Variants in ARHGEF10 observed in about 807,000 individuals in gnomAD.
The protein encoded by ARHGEF10 is Rho guanine nucleotide exchange factor (GEF) 10.
ARHGEF10 carries 140 observed loss-of-function variants against 147.4 expected under a neutral mutation model. The ratio of observed to expected loss-of-function variants is 0.95; its 90% confidence interval spans 0.83 to 1.09. ARHGEF10 has a LOEUF of 1.09. Ranked by LOEUF, ARHGEF10 falls within the 50% of genes least tolerant of loss-of-function variation. ARHGEF10 has a pLI of 0.00. For missense variants in ARHGEF10, 2,222 were observed against 1,752.7 expected, an observed-to-expected ratio of 1.27 and a Z score of -4.78; for synonymous variants, 902 against 695.8, an observed-to-expected ratio of 1.30 and a Z score of -4.67.
intron 2 of ARHGEF10, among the ~76,000 whole-genome samples, chr8:1,847,849 C>T (rs1309087653): frequency 1.3e-5 from 2 of 152,224 alleles, no homozygotes; most frequent in African/African-American, 4.8e-5. Flanking sequence ...CAAACATGCT[C>T]TTCCAAGCCC....
intron 16 of ARHGEF10, among the ~76,000 whole-genome samples, chr8:1,904,627 C>G (rs528541697): frequency 1.3e-5 from 2 of 151,714 alleles, no homozygotes; most frequent in Non-Finnish European, 2.9e-5. Flanking sequence ...CGGAGCAAGC[C>G]CAGAGGCCCA....
intron 18 of ARHGEF10, 83 bp downstream of exon 18, chr8:1,909,553 T>C: frequency 6.4e-7 from 1 of 1,564,340 alleles, no homozygotes. Flanking sequence ...CAGCGTAAGC[T>C]CCACCATCAG....
Position 1,866,530 on chromosome 8 carries a change from G to T in ARHGEF10, c.550G>T (p.Asp184Tyr), listed in dbSNP as rs1218038908. The change falls in exon 6 of 29, where the codon GAT (aspartate) becomes TAT (tyrosine). Residue 184 changes from aspartate (D) to tyrosine (Y), a missense_variant. Transcript: ENST00000349830. ...LSSEEPPTSEDQVGREDSALA... is the reference protein window; with the variant it reads ...LSSEEPPTSEYQVGREDSALA... ...TTATGGTTTGTTTTCTTTAAGTGAA[G>T]ATCAAGTCGGTCGAGAGGACAGCGC... is the stretch of plus-strand genomic sequence containing the variant. 2 of 1,611,744 alleles carry T rather than the reference G, an allele frequency of 1.2e-6. No individual in the cohort carries two copies. Among genetic ancestry groups the T allele is most frequent in the Non-Finnish European group, 8.5e-7 (1 of 1,179,996 alleles).
In ARHGEF10 at chr8:1,952,810, G is replaced by C; in HGVS notation, c.3503G>C (p.Gly1168Ala). ...LVALPVPRLQ[G>A]IPKVTGRGMV... ...GCCCTGCCGGTCCCACGTCTGCAAG[G>C]GATTCCCAAAGTGACCGGTGAGTGG... Residue 1168 changes from glycine to alanine, a missense_variant, in exon 28 of 29, where the codon GGG becomes GCG. Coordinates refer to ENST00000349830, the MANE Select transcript of ARHGEF10 (RefSeq NM_014629.4). 1 of 1,613,904 alleles carries C rather than the reference G, an allele frequency of 6.2e-7. No individual in the cohort carries two copies.
At chr8:1,824,195 C>A (rs1802594968) in intron 1 of ARHGEF10, 82 bp downstream of exon 1, 1 of 152,194 alleles carries the variant, frequency 6.6e-6, no homozygotes, top group African/African-American at 2.4e-5. Context: ...CCGGCTCCCC[C>A]GAAATCGCTG....
intron 2 of ARHGEF10, among the ~76,000 whole-genome samples, chr8:1,854,907 A>T (rs566116054): frequency 9.5e-4 from 145 of 152,042 alleles, no homozygotes; most frequent in African/African-American, 3.4e-3. Flanking sequence ...TCATACCTGT[A>T]CCTGGCACAC....
Position 1,871,509 on chromosome 8 carries a change from T to C in ARHGEF10, c.679+2259T>C, listed in dbSNP as rs191853494. On this transcript the variant is annotated intron_variant, in intron 7 of 28. Transcript: ENST00000349830. ...ATAGATTTTAAAGTCTAAGGAATTA[T>C]AGACATAATGGCATATGTTAATAAA... Among the ~76,000 whole-genome samples, 417 of 152,300 alleles carry C rather than the reference T, an allele frequency of 2.7e-3. 2 individuals carry two copies. Among genetic ancestry groups the C allele is most frequent in the Non-Finnish European group, 4.3e-3 (295 of 68,030 alleles).
chr8:1,957,299 T>C lies in ARHGEF10; in HGVS notation c.*36T>C. On this transcript the variant is annotated 3_prime_UTR_variant, in exon 29 of 29. Coordinates refer to ENST00000349830, the MANE Select transcript of ARHGEF10 (RefSeq NM_014629.4). ...CGCCTTCTGCTGTCAGAATTTGCAA[T>C]CAAGGGTGACTTCTCAGCTAATCCT... 1.3e-6 allele frequency: 2 copies of C among 1,594,266 alleles called. No individual in the cohort carries two copies. Among genetic ancestry groups the C allele is most frequent in the Non-Finnish European group, 1.7e-6 (2 of 1,173,312 alleles).
At position 1,827,053 on chromosome 8, in the gene ARHGEF10, A is replaced by G. The variant is rs573058818; in HGVS notation, c.-48+2940A>G. ...GGGAGAGCAGAGGCCGGTGACCAGC[A>G]GGGGTCCTTGCCTGGGTGGCAGACA... On this transcript the variant is annotated intron_variant, in intron 1 of 28. Coordinates refer to ENST00000349830, the MANE Select transcript of ARHGEF10 (RefSeq NM_014629.4). Among the ~76,000 whole-genome samples, 17 of 152,294 alleles carry G rather than the reference A, an allele frequency of 1.1e-4. No individual in the cohort carries two copies. In the East Asian group the frequency reaches 2.9e-3, roughly 26 times the overall value.
In ARHGEF10 at chr8:1,829,168, C is replaced by G; in HGVS notation, c.-48+5055C>G. ...ATGTCGGGCCTGAGCTGAGTCGTCC[C>G]GACAGGATACCTGCGTGGGCCGTGT... On this transcript the variant is annotated intron_variant, in intron 1 of 28. Coordinates refer to ENST00000349830, the MANE Select transcript of ARHGEF10 (RefSeq NM_014629.4). 1.3e-5 allele frequency among the ~76,000 whole-genome samples: 2 copies of G among 152,058 alleles called. 1 individual carries two copies. The highest frequency in any genetic ancestry group is 3.9e-4 in the East Asian group (2 of 5,168).
In ARHGEF10 at chr8:1,948,024, G is replaced by C. The variant is rs117395523; in HGVS notation, c.3397+2369G>C. Among the ~76,000 whole-genome samples the C allele has an allele frequency of 0.023, 3,448 of 152,092 alleles. 52 individuals carry two copies. The highest frequency in any genetic ancestry group is 0.051 in the Middle Eastern group (15 of 292). On this transcript the variant is annotated intron_variant, in intron 27 of 28. Transcript: ENST00000349830. This position sits in a 1 kb window ranked among gnomAD's most constrained non-coding sequence, Gnocchi z 4.9. ...GCTAAATCGCAGCTGCCTGTGTTGC[G>C]TGTTTTGGATGATGAAGTTGTCTGT...
At chr8:1,941,796 T>A (rs567087553) in intron 26 of ARHGEF10, among the ~76,000 whole-genome samples, 1 of 152,306 alleles carries the variant, frequency 6.6e-6, no homozygotes, top group South Asian at 2.1e-4. Flanking sequence ...AGACCACGTG[T>A]GTCTATGTTC....
At chr8:1,945,072 C>A (rs1422577070) in intron 26 of ARHGEF10, among the ~76,000 whole-genome samples, 1 of 152,246 alleles carries the variant, frequency 6.6e-6, no homozygotes, top group African/African-American at 2.4e-5. Flanking sequence ...GACTCAGAAC[C>A]AGGGTCAGGC....
chr8:1,824,990 C>T (rs1407038102), intron 1 of ARHGEF10, among the ~76,000 whole-genome samples: 5 of 49,102 alleles, frequency 1.0e-4, no homozygotes, highest in Admixed American at 1.9e-4. Context: ...CCCACCTGTC[C>T]TCCCCACACC....
chr8:1,920,535 C>T (rs765310540), intron 18 of ARHGEF10, among the ~76,000 whole-genome samples: 47 of 152,024 alleles, frequency 3.1e-4, no homozygotes, highest in South Asian at 8.3e-4. Flanking sequence ...ACTATGTTGC[C>T]CAGGCTGGTC....
At chr8:1,912,373 G>A (rs1811426939) in intron 18 of ARHGEF10, among the ~76,000 whole-genome samples, 1 of 152,036 alleles carries the variant, frequency 6.6e-6, no homozygotes, top group African/African-American at 2.4e-5. Context: ...CTGCAAAAGT[G>A]CTGTGTGGAA....
chr8:1,938,447 G>C (rs1813801645), intron 26 of ARHGEF10, among the ~76,000 whole-genome samples: 1 of 152,180 alleles, frequency 6.6e-6, no homozygotes, highest in Non-Finnish European at 1.5e-5. Context: ...ACTGAAGACA[G>C]ATGGAAGGAA....
intron 10 of ARHGEF10, 116 bp from the exon 11 acceptor site, chr8:1,885,485 C>T: frequency 1.4e-6 from 1 of 717,890 alleles, no homozygotes; most frequent in Non-Finnish European, 2.4e-6. Flanking sequence ...GTCAAGTAAG[C>T]ATGGAAAATT....
At position 1,923,512 on chromosome 8, in the gene ARHGEF10, A is replaced by T; in HGVS notation, c.2304A>T (p.Gln768His). Reference protein sequence around the residue: ...SVAHDWTSGLQRLILKKEDEI... With the variant: ...SVAHDWTSGLHRLILKKEDEI... ...CCCATGACTGGACATCAGGTTTACAAAGGCTTATTTTGAAGAAAGAAGATG... is the reference window on the plus strand; with the variant it reads ...CCCATGACTGGACATCAGGTTTACATAGGCTTATTTTGAAGAAAGAAGATG... Residue 768 changes from glutamine (Q) to histidine (H), a missense_variant, in exon 20 of 29, where the codon CAA becomes CAT. Coordinates refer to ENST00000349830, the MANE Select transcript of ARHGEF10 (RefSeq NM_014629.4). 6.2e-7 allele frequency: 1 copy of T among 1,614,132 alleles called. No homozygotes were observed. The highest frequency in any genetic ancestry group is 8.5e-7 in the Non-Finnish European group (1 of 1,180,038).
Sources: allele counts gnomAD v4.1 joint callset (sites outside exome capture counted in the v4.1 genomes callset), GRCh38; gene constraint gnomAD v4.1.1; non-coding constraint Gnocchi (gnomAD v3.1); transcripts MANE v1.5; gene names NCBI Gene and HGNC (gene_info 2026-07-23, HGNC 2026-07-21).